The following TMEM179B variants were observed in gnomAD, a reference collection of about 807,000 sequenced individuals.
The protein encoded by TMEM179B is transmembrane protein 179B.
TMEM179B carries 13 observed loss-of-function variants against 18.0 expected under a neutral mutation model. The ratio of observed to expected loss-of-function variants is 0.72; its 90% confidence interval spans 0.47 to 1.15. TMEM179B has a LOEUF of 1.15. Ranked by LOEUF, TMEM179B falls within the 50% of genes most tolerant of loss-of-function variation. The pLI, the probability that TMEM179B is intolerant of heterozygous loss-of-function variation, is 0.00. For missense variants in TMEM179B, 320 were observed against 270.6 expected (o/e 1.18, Z -1.28); for synonymous variants, 159 against 117.5 (o/e 1.35, Z -2.29).
rs78079991 is a variant in TMEM179B, at chr11:62,790,109, C to G, written c.*62C>G. 0.01 allele frequency: 15,402 copies of G among 1,488,766 alleles called. 102 individuals are homozygous for G. Among genetic ancestry groups the G allele is most frequent in the Non-Finnish European group, 0.012 (13,581 of 1,118,176 alleles). 92.2% of individuals were successfully genotyped at this position (1,488,766 alleles called of 1,614,324 possible). A position where few individuals can be genotyped will look rare whatever the true frequency, so the allele number is the denominator to read the frequency against. Reference sequence around the variant, plus strand: ...ATGCCCAAGTGCCTGTAATCCCCCCCCTCAAGGCCCTGTTTATGTTGGGAG... The same window carrying G: ...ATGCCCAAGTGCCTGTAATCCCCCCGCTCAAGGCCCTGTTTATGTTGGGAG... On this transcript the variant is annotated 3_prime_UTR_variant, in exon 5 of 5. Transcript: ENST00000333449.
At chr11:62,787,822 C>G (rs2084306501) in intron 1 of TMEM179B, 3 of 664,838 alleles carry the variant, frequency 4.5e-6, no homozygotes, top group Non-Finnish European at 8.3e-6. Context: ...ACTGTGGTTC[C>G]GAAACAGAAG....
rs753977198 is a variant in TMEM179B at position 62,787,480 on chromosome 11, G to A, written c.49G>A (p.Ala17Thr). Residue 17 changes from alanine (A) to threonine (T), a missense_variant, in exon 1 of 5, where the codon GCC becomes ACC. Transcript: ENST00000333449. The stretch of plus-strand genomic sequence containing the variant: ...CGTCGAGCTTGCGCTCTTTGCTGCC[G>A]CCTTCCTGTGCGGGGCCGTGGCGGC... Reference protein sequence around the residue: ...QRVELALFAAAFLCGAVAAAA... With the variant: ...QRVELALFAATFLCGAVAAAA... 2.5e-6 allele frequency: 4 copies of A among 1,578,288 alleles called. No homozygotes were observed. The East Asian group carries it at 6.9e-5, about 27-fold the overall frequency.
Position 62,790,359 on chromosome 11 carries a change from C to T in TMEM179B, c.*312C>T. On this transcript the variant is annotated 3_prime_UTR_variant, in exon 5 of 5. Coordinates refer to ENST00000333449, the MANE Select transcript of TMEM179B (RefSeq NM_199337.3). ...TAGGCAGCTGCCCTAGGGATGACTG[C>T]TCCTTTATTTGTTGTTAATGAATCT... 1.8e-6 allele frequency: 1 copy of T among 543,776 alleles called. No homozygotes were observed. The highest frequency in any genetic ancestry group is 3.2e-6 in the Non-Finnish European group (1 of 311,220). 33.7% of individuals were successfully genotyped at this position (543,776 alleles called of 1,614,324 possible).
chr11:62,789,690 A>C lies in TMEM179B; in HGVS notation c.498+11A>C. On this transcript the variant is annotated intron_variant, in intron 4 of 4. Coordinates refer to ENST00000333449, the MANE Select transcript of TMEM179B (RefSeq NM_199337.3). ...CTACACAATGCTGAAGTGAGACCCA[A>C]GGATAGGAGGAAAAACTGACATAAA... 6.5e-7 allele frequency: 1 copy of C among 1,534,444 alleles called. No homozygotes were observed. The highest frequency in any genetic ancestry group is 8.7e-7 in the Non-Finnish European group (1 of 1,143,732).
chr11:62,790,217 CCAAAATATT>C lies in TMEM179B; in HGVS notation c.*171_*179del. Reference sequence around the variant, plus strand: ...ACCTCTTCCTGCAGCTGTTTTTGTACCAAAATATTATATTACTGTCTTCATCTTAGTAGT... The same window carrying C: ...ACCTCTTCCTGCAGCTGTTTTTGTACATATTACTGTCTTCATCTTAGTAGT... On this transcript the variant is annotated 3_prime_UTR_variant, in exon 5 of 5. Transcript: ENST00000333449. 1.4e-6 allele frequency: 1 copy of C among 718,838 alleles called. No homozygotes were observed. The highest frequency in any genetic ancestry group is 2.2e-6 in the Non-Finnish European group (1 of 457,752). 44.5% of individuals were successfully genotyped at this position (718,838 alleles called of 1,614,324 possible).
At position 62,787,469 on chromosome 11, in the gene TMEM179B, T is replaced by C. The variant is rs1009626144; in HGVS notation, c.38T>C (p.Leu13Pro). 8.2e-6 allele frequency: 13 copies of C among 1,576,952 alleles called. No individual in the cohort carries two copies. The highest frequency in any genetic ancestry group is 1.4e-5 in the African/African-American group (1 of 74,002). Residue 13 changes from leucine to proline, a missense_variant, in exon 1 of 5, where the codon CTC becomes CCC. Physicochemically the swap from Leu to Pro is moderately conservative, Grantham distance 98 (BLOSUM62 -3). Transcript: ENST00000333449. Reference sequence around the variant, plus strand: ...TGGCTGCAGCGCGTCGAGCTTGCGCTCTTTGCTGCCGCCTTCCTGTGCGGG... The same window carrying C: ...TGGCTGCAGCGCGTCGAGCTTGCGCCCTTTGCTGCCGCCTTCCTGTGCGGG... ...LSWLQRVELALFAAAFLCGAV... is the reference protein window; with the variant it reads ...LSWLQRVELAPFAAAFLCGAV...
In TMEM179B at chr11:62,789,045, C is replaced by T. The variant is rs756755482; in HGVS notation, c.119C>T (p.Pro40Leu). ...RTQGSFSGRC[P>L]LYGVATLNGS... Reference sequence around the variant, plus strand: ...CAGGGCTCCTTCAGTGGTAGATGTCCCCTGTATGGTGTGGCCACCCTGAAT... The same window carrying T: ...CAGGGCTCCTTCAGTGGTAGATGTCTCCTGTATGGTGTGGCCACCCTGAAT... The change falls in exon 2 of 5, where the codon CCC (proline) becomes CTC (leucine). Residue 40 changes from proline to leucine, a missense_variant. Transcript: ENST00000333449. 41 of 1,613,882 alleles carry T rather than the reference C, an allele frequency of 2.5e-5. No individual in the cohort carries two copies. The highest frequency in any genetic ancestry group is 5.3e-5 in the African/African-American group (4 of 74,936).
At position 62,789,498 on chromosome 11, in the gene TMEM179B, T is replaced by C. The variant is rs370496178; in HGVS notation, c.419+72T>C. On this transcript the variant is annotated intron_variant, in intron 3 of 4. Coordinates refer to ENST00000333449, the MANE Select transcript of TMEM179B (RefSeq NM_199337.3). Reference sequence around the variant, plus strand: ...TCTGCAGCGGGGTCCTATAATTTCCTTTTATCCCCATCAGTTGCTCTCAAC... The same window carrying C: ...TCTGCAGCGGGGTCCTATAATTTCCCTTTATCCCCATCAGTTGCTCTCAAC... 8.4e-5 allele frequency: 135 copies of C among 1,604,276 alleles called. 3 individuals are homozygous for C. The highest frequency in any genetic ancestry group is 6.5e-4 in the East Asian group (29 of 44,810).
Position 62,790,054 on chromosome 11 carries a change from A to T in TMEM179B, c.*7A>T, listed in dbSNP as rs761030823. Reference sequence around the variant, plus strand: ...ACGCCTTTCCCATTCCTGAAGAATAAGCGGAGTGCTTCCTGCAGCCGAAGA... The same window carrying T: ...ACGCCTTTCCCATTCCTGAAGAATATGCGGAGTGCTTCCTGCAGCCGAAGA... On this transcript the variant is annotated 3_prime_UTR_variant, in exon 5 of 5. Transcript: ENST00000333449. 4 of 1,601,204 alleles carry T rather than the reference A, an allele frequency of 2.5e-6. No homozygotes were observed. In the South Asian group the frequency reaches 4.5e-5, roughly 18 times the overall value.
At chr11:62,787,569 C>G (rs373062319) in intron 1 of TMEM179B, 42 bp downstream of exon 1, 6 of 1,495,794 alleles carry the variant, frequency 4.0e-6, no homozygotes, top group Middle Eastern at 2.4e-4. Flanking sequence ...GGGAGCTGGC[C>G]GGTCTGGACA....
At chr11:62,788,778 G>A (rs1445745690) in intron 1 of TMEM179B, among the ~76,000 whole-genome samples, 4 of 151,866 alleles carry the variant, frequency 2.6e-5, no homozygotes, top group Non-Finnish European at 5.9e-5. Flanking sequence ...TAACTTGTGA[G>A]GCTTCTCTGA....
At chr11:62,788,675 G>GT (rs2084320090) in intron 1 of TMEM179B, among the ~76,000 whole-genome samples, 1 of 59,836 alleles carries the variant, frequency 1.7e-5, no homozygotes, top group East Asian at 4.1e-4. Context: ...CTGCACTCCA[G>GT]CAAAAAAAAA....
At position 62,789,939 on chromosome 11, in the gene TMEM179B, C is replaced by T. The variant is rs149169067; in HGVS notation, c.552C>T (p.Val184=). ...GGTGTGTGGTCTTGGTGCTCCAGGT[C>T]GTGCAGTGGAAGTCTGAAGCCACCC... ...VLWCVVLVLQ[V]VQWKSEATPY... Residue 184 remains valine (V), a synonymous_variant, in exon 5 of 5, where the codon GTC becomes GTT. Transcript: ENST00000333449. The T allele has an allele frequency of 3.0e-5, 49 of 1,613,914 alleles. No individual in the cohort carries two copies. The highest frequency in any genetic ancestry group is 3.8e-5 in the Non-Finnish European group (45 of 1,180,002).
In TMEM179B at chr11:62,787,436, C is replaced by G. The variant is rs753849686; in HGVS notation, c.5C>G (p.Ala2Gly). ...CTTCCTGGTGGTCAGGGCGCCATGG[C>G]GCTGTCCTGGCTGCAGCGCGTCGAG... M[A>G]LSWLQRVELA... The change falls in exon 1 of 5, where the codon GCG (alanine) becomes GGG (glycine). Residue 2 changes from alanine (A) to glycine (G), a missense_variant. Ala to Gly is a moderately conservative substitution (Grantham distance 60). Transcript: ENST00000333449. 7.0e-6 allele frequency: 11 copies of G among 1,565,744 alleles called. 1 individual carries two copies. In the South Asian group the frequency reaches 8.0e-5, roughly 11 times the overall value.
chr11:62,787,594 TC>T lies in TMEM179B; in HGVS notation c.96+68del, dbSNP rs2084302205. On this transcript the variant is annotated intron_variant, in intron 1 of 4. Coordinates refer to ENST00000333449, the MANE Select transcript of TMEM179B (RefSeq NM_199337.3). ...CGGTCTGGACATGGCGAGGCCACTT[TC>T]GCTTTCCGACCGGGCTTGCTGCTGC... 25 of 1,441,690 alleles carry T rather than the reference TC, an allele frequency of 1.7e-5. No homozygotes were observed. The South Asian group carries it at 3.4e-4, about 19-fold the overall frequency. The allele number at this position is 1,441,690 out of a possible 1,614,324, so 89.3% of individuals were successfully genotyped here.
Position 62,789,600 on chromosome 11 carries a change from G to A in TMEM179B, c.420-1G>A. ...TCACAACTGTCTCTTTGACCTCACAGCTGTTCTGAAGCCCAGAAAATTCCA... is the reference window on the plus strand; with the variant it reads ...TCACAACTGTCTCTTTGACCTCACAACTGTTCTGAAGCCCAGAAAATTCCA... On this transcript the variant is annotated splice_acceptor_variant, in intron 3 of 4. Transcript: ENST00000333449. LOFTEE classifies it high-confidence loss of function. 1 of 1,550,238 alleles carries A rather than the reference G, an allele frequency of 6.5e-7. No individual in the cohort carries two copies.
Position 62,787,473 on chromosome 11 carries a change from T to C in TMEM179B, c.42T>C (p.Phe14=), listed in dbSNP as rs1806289092. ...TGCAGCGCGTCGAGCTTGCGCTCTT[T>C]GCTGCCGCCTTCCTGTGCGGGGCCG... ...SWLQRVELAL[F]AAAFLCGAVA... is the part of the protein sequence containing the mutation. The change falls in exon 1 of 5, where the codon TTT becomes TTC. Residue 14 remains phenylalanine (F), a synonymous_variant. Coordinates refer to ENST00000333449, the MANE Select transcript of TMEM179B (RefSeq NM_199337.3). 1.3e-6 allele frequency: 2 copies of C among 1,577,618 alleles called. No homozygotes were observed. Among genetic ancestry groups the C allele is most frequent in the South Asian group, 1.1e-5 (1 of 88,698 alleles).
intron 1 of TMEM179B, 83 bp downstream of exon 1, chr11:62,787,610 C>A (rs2084302441): frequency 7.0e-7 from 1 of 1,424,820 alleles, no homozygotes; most frequent in Non-Finnish European, 9.2e-7. Context: ...TCCGACCGGG[C>A]TTGCTGCTGC....
intron 1 of TMEM179B, 61 bp from the exon 2 acceptor site, chr11:62,788,962 C>G: frequency 2.6e-6 from 4 of 1,528,400 alleles, no homozygotes; most frequent in Non-Finnish European, 3.6e-6. Context: ...AACACCCTAC[C>G]AAGAGACTGT....
Sources: allele counts gnomAD v4.1 joint callset (sites outside exome capture counted in the v4.1 genomes callset), GRCh38; gene constraint gnomAD v4.1.1; transcripts MANE v1.5; gene names NCBI Gene and HGNC (gene_info 2026-07-23, HGNC 2026-07-21).